Variants in PTPN18 observed in about 807,000 individuals in gnomAD.
PTPN18 encodes protein tyrosine phosphatase non-receptor type 18.
In PTPN18, 65 loss-of-function variants were observed where a neutral mutation model predicts 65.4. The observed-to-expected ratio is 0.99, with a 90% CI of 0.81 to 1.22. The LOEUF is 1.22. Ranked by LOEUF, PTPN18 falls within the 50% of genes most tolerant of loss-of-function variation. The pLI is 0.00. For missense variants in PTPN18, 616 were observed against 646.5 expected (o/e 0.95, Z 0.51); for synonymous variants, 255 against 267.8 (o/e 0.95, Z 0.47).
In PTPN18 at chr2:130,361,651, G is replaced by A. The variant is rs552581481; in HGVS notation, c.414+2005G>A. 5.8e-3 allele frequency among the ~76,000 whole-genome samples: 871 copies of A among 150,732 alleles called. 12 individuals are homozygous for A. The highest frequency in any genetic ancestry group is 0.013 in the African/African-American group (550 of 40,930). On this transcript the variant is annotated intron_variant, in intron 5 of 14. Coordinates refer to ENST00000175756, the MANE Select transcript of PTPN18 (RefSeq NM_014369.4). ...CACCCAGGCTGGAGTTCAATGGCGC[G>A]ATCTTGGCTCACTGCAACCTTTGCC...
chr2:130,357,855 C>CAA (rs549804785), intron 1 of PTPN18, among the ~76,000 whole-genome samples: 9 of 88,638 alleles, frequency 1.0e-4, no homozygotes, highest in African/African-American at 1.7e-4. Flanking sequence ...GACTCCATCT[C>CAA]AAAAAAAAAA....
chr2:130,372,706 T>G (rs2104956196), intron 13 of PTPN18, 167 bp from the exon 14 acceptor site: 1 of 986,766 alleles, frequency 1.0e-6, no homozygotes, highest in Non-Finnish European at 1.5e-6. Flanking sequence ...ATACTTGTCT[T>G]GGCCGCGCCC....
At position 130,369,841 on chromosome 2, in the gene PTPN18, G is replaced by A. The variant is rs1225631312; in HGVS notation, c.546+14G>A. The A allele has an allele frequency of 6.3e-7, 1 of 1,583,486 alleles. No homozygotes were observed. Among genetic ancestry groups the A allele is most frequent in the South Asian group, 1.1e-5 (1 of 90,092 alleles). Reference sequence around the variant, plus strand: ...ACATTCCAGAAGGTACTGTGACAGGGGAGGAGGAGGTAAAGGGGCTCCTGA... The same window carrying A: ...ACATTCCAGAAGGTACTGTGACAGGAGAGGAGGAGGTAAAGGGGCTCCTGA... On this transcript the variant is annotated intron_variant, in intron 7 of 14. Transcript: ENST00000175756.
In PTPN18 at chr2:130,373,390, G is replaced by A; in HGVS notation, c.*166G>A. On this transcript the variant is annotated 3_prime_UTR_variant, in exon 15 of 15. Coordinates refer to ENST00000175756, the MANE Select transcript of PTPN18 (RefSeq NM_014369.4). The surrounding 1 kb of genome is among the most constrained non-coding windows in gnomAD (Gnocchi z 4.1). Reference sequence around the variant, plus strand: ...TGCCCCAATGACTGTAGCATTCAAGGCTTGAGGCTGGAGGAGGTAGCTAGG... The same window carrying A: ...TGCCCCAATGACTGTAGCATTCAAGACTTGAGGCTGGAGGAGGTAGCTAGG... 1.4e-6 allele frequency: 1 copy of A among 701,586 alleles called. No individual in the cohort carries two copies. Among genetic ancestry groups the A allele is most frequent in the Non-Finnish European group, 2.3e-6 (1 of 444,372 alleles). 43.5% of individuals were successfully genotyped at this position (701,586 alleles called of 1,614,324 possible). A position where few individuals can be genotyped will look rare whatever the true frequency, so the allele number is the denominator to read the frequency against.
Position 130,356,062 on chromosome 2 carries a change from G to A in PTPN18, c.-46G>A. 1 of 1,174,944 alleles carries A rather than the reference G, an allele frequency of 8.5e-7. No individual in the cohort carries two copies. Among genetic ancestry groups the A allele is most frequent in the Non-Finnish European group, 1.1e-6 (1 of 938,142 alleles). The allele number at this position is 1,174,944 out of a possible 1,614,324, so 72.8% of individuals were successfully genotyped here. On this transcript the variant is annotated 5_prime_UTR_variant, in exon 1 of 15. Transcript: ENST00000175756. ...TCCGCCTCCCGCGGCGTCCACACTC[G>A]CCGCGCGCGCGGCGGCCGGGCTGGA...
At chr2:130,362,382 T>C in intron 5 of PTPN18, 1 of 271,938 alleles carries the variant, frequency 3.7e-6, no homozygotes, top group South Asian at 3.0e-5. Flanking sequence ...CTATTTGTTT[T>C]CTATTTGCTC....
In PTPN18 at chr2:130,360,574, T is replaced by C. The variant is rs1369477822; in HGVS notation, c.414+928T>C. Among the ~76,000 whole-genome samples the C allele has an allele frequency of 3.3e-5, 5 of 152,358 alleles. No individual in the cohort carries two copies. In the East Asian group the frequency reaches 9.6e-4, roughly 29 times the overall value. On this transcript the variant is annotated intron_variant, in intron 5 of 14. Coordinates refer to ENST00000175756, the MANE Select transcript of PTPN18 (RefSeq NM_014369.4). ...TTTTTTCATGCTCCTGCCTGTTTTTTGTAAACAGTGTATTAGAACACAGCC... is the reference window on the plus strand; with the variant it reads ...TTTTTTCATGCTCCTGCCTGTTTTTCGTAAACAGTGTATTAGAACACAGCC...
At chr2:130,365,172 T>TA (rs1261547897) in intron 5 of PTPN18, among the ~76,000 whole-genome samples, 2 of 152,230 alleles carry the variant, frequency 1.3e-5, no homozygotes, top group African/African-American at 4.8e-5. Flanking sequence ...TTCCCCAACT[T>TA]AATATGCAGT....
Position 130,373,096 on chromosome 2 carries a change from T to C in PTPN18, c.1316-61T>C. On this transcript the variant is annotated intron_variant, in intron 14 of 14. Coordinates refer to ENST00000175756, the MANE Select transcript of PTPN18 (RefSeq NM_014369.4). The surrounding 1 kb of genome is among the most constrained non-coding windows in gnomAD (Gnocchi z 4.1). ...AGGCGGGGGGATGGCCTTCTTCATG[T>C]CTGCCAGCTTCCACACACCTCAGCT... 6.5e-7 allele frequency: 1 copy of C among 1,549,898 alleles called. No homozygotes were observed. Among genetic ancestry groups the C allele is most frequent in the Non-Finnish European group, 8.8e-7 (1 of 1,140,022 alleles).
chr2:130,368,642 C>G (rs1374906815), intron 5 of PTPN18, among the ~76,000 whole-genome samples: 3 of 152,120 alleles, frequency 2.0e-5, no homozygotes, highest in African/African-American at 7.2e-5. Context: ...GACTTCTATG[C>G]AAGTTATTGT....
chr2:130,357,670 C>G (rs1042587819), intron 1 of PTPN18, among the ~76,000 whole-genome samples: 1 of 151,802 alleles, frequency 6.6e-6, no homozygotes, highest in African/African-American at 2.4e-5. Flanking sequence ...TCCTGGCTAA[C>G]ACGGTGAAAC....
chr2:130,360,399 G>T (rs1315167835), intron 5 of PTPN18, among the ~76,000 whole-genome samples: 1 of 152,158 alleles, frequency 6.6e-6, no homozygotes, highest in East Asian at 1.9e-4. Flanking sequence ...CTACATTCTT[G>T]CCTACTCCAT....
At chr2:130,357,855 CAAA>C (rs549804785) in intron 1 of PTPN18, among the ~76,000 whole-genome samples, 19 of 88,696 alleles carry the variant, frequency 2.1e-4, no homozygotes, top group African/African-American at 4.0e-4. Context: ...GACTCCATCT[CAAA>C]AAAAAAAAAA....
At chr2:130,368,167 G>T (rs1001079961) in intron 5 of PTPN18, among the ~76,000 whole-genome samples, 8 of 151,826 alleles carry the variant, frequency 5.3e-5, no homozygotes, top group African/African-American at 1.9e-4. Context: ...GCCATTTTAA[G>T]ATTTTTGCTT....
At chr2:130,358,472 A>G (rs1680064463) in intron 1 of PTPN18, among the ~76,000 whole-genome samples, 2 of 152,176 alleles carry the variant, frequency 1.3e-5, no homozygotes, top group Admixed American at 1.3e-4. Context: ...TTACAAGACA[A>G]TGTCACAGAT....
chr2:130,363,051 C>T (rs1019509029), intron 5 of PTPN18, among the ~76,000 whole-genome samples: 3 of 151,416 alleles, frequency 2.0e-5, no homozygotes, highest in Non-Finnish European at 3.0e-5. Flanking sequence ...AATCTCCTGA[C>T]CTCGTGATCC....
At chr2:130,365,276 C>G (rs1680344696) in intron 5 of PTPN18, among the ~76,000 whole-genome samples, 1 of 152,194 alleles carries the variant, frequency 6.6e-6, no homozygotes, top group Non-Finnish European at 1.5e-5. Flanking sequence ...TTAACCAAAA[C>G]ATCATTATGT....
intron 12 of PTPN18, 174 bp downstream of exon 12, chr2:130,371,461 C>A (rs916334354): frequency 1.3e-5 from 8 of 625,128 alleles, no homozygotes; most frequent in Non-Finnish European, 2.2e-5. Context: ...CAAGATGATT[C>A]ATTTACCCCT....
At chr2:130,363,902 T>C (rs1305480392) in intron 5 of PTPN18, among the ~76,000 whole-genome samples, 1 of 152,020 alleles carries the variant, frequency 6.6e-6, no homozygotes, top group Non-Finnish European at 1.5e-5. Context: ...TCCACGGCAA[T>C]GTTTGAGGGT....
Sources: allele counts gnomAD v4.1 joint callset (sites outside exome capture counted in the v4.1 genomes callset), GRCh38; gene constraint gnomAD v4.1.1; non-coding constraint Gnocchi (gnomAD v3.1); transcripts MANE v1.5; gene names NCBI Gene and HGNC (gene_info 2026-07-23, HGNC 2026-07-21).